The following PCNX2 variants were observed in gnomAD, a reference collection of about 807,000 sequenced individuals.
PCNX2 encodes pecanex 2.
A neutral mutation model predicts 223.8 loss-of-function variants in PCNX2; 168 were observed. The observed-to-expected ratio is 0.75, with a 90% confidence interval of 0.66 to 0.85. The LOEUF is 0.85. Ranked by LOEUF, PCNX2 falls within the 40% of genes least tolerant of loss-of-function variation. The pLI is 0.00. For missense variants in PCNX2, 2,507 were observed against 2,675.5 expected, an observed-to-expected ratio of 0.94 and a Z score of 1.39; for synonymous variants, 1,006 against 1,052.6, an observed-to-expected ratio of 0.96 and a Z score of 0.86.
At chr1:233,227,619 C>T (rs1340898628) in intron 9 of PCNX2, among the ~76,000 whole-genome samples, 4 of 152,088 alleles carry the variant, frequency 2.6e-5, no homozygotes, top group Admixed American at 1.3e-4. Context: ...TTCTTTACAA[C>T]GTACCATTAA....
At chr1:233,150,833 G>A (rs1677754678) in intron 19 of PCNX2, among the ~76,000 whole-genome samples, 1 of 151,964 alleles carries the variant, frequency 6.6e-6, no homozygotes, top group Non-Finnish European at 1.5e-5. Flanking sequence ...GAATCAGTGT[G>A]AAATGTGCCT....
At chr1:233,300,466 G>A (rs190006330), upstream of PCNX2, among the ~76,000 whole-genome samples, 148 of 152,298 alleles carry the variant, frequency 9.7e-4, no homozygotes, top group Non-Finnish European at 1.6e-3. Flanking sequence ...GGAGTTGCTT[G>A]CTAAGCAAAG....
intron 15 of PCNX2, among the ~76,000 whole-genome samples, chr1:233,197,550 G>T (rs1271873482): frequency 1.3e-5 from 2 of 152,124 alleles, no homozygotes; most frequent in African/African-American, 2.4e-5. Context: ...GGATAAATGT[G>T]GTAACAAACG....
At chr1:233,037,777 C>T (rs1328225037) in intron 25 of PCNX2, among the ~76,000 whole-genome samples, 1 of 152,154 alleles carries the variant, frequency 6.6e-6, no homozygotes, top group African/African-American at 2.4e-5. Context: ...TTTTACATCC[C>T]AAGGAGCCTC....
chr1:233,229,070 C>G (rs1387168457), intron 9 of PCNX2, among the ~76,000 whole-genome samples: 1 of 152,130 alleles, frequency 6.6e-6, no homozygotes, highest in Non-Finnish European at 1.5e-5. Context: ...TATACATGGG[C>G]AGACAGCACA....
chr1:233,260,670 A>T (rs1338617390), intron 4 of PCNX2, among the ~76,000 whole-genome samples: 3 of 152,150 alleles, frequency 2.0e-5, no homozygotes, highest in Non-Finnish European at 2.9e-5. Flanking sequence ...TAAACTTTAC[A>T]TTATTTTCAA....
At chr1:233,188,079 A>C (rs1336724080) in intron 15 of PCNX2, among the ~76,000 whole-genome samples, 1 of 152,230 alleles carries the variant, frequency 6.6e-6, no homozygotes, top group African/African-American at 2.4e-5. Context: ...TAGCAGTTTA[A>C]AATAACACAA....
intron 8 of PCNX2, among the ~76,000 whole-genome samples, chr1:233,239,565 A>G (rs1658630720): frequency 6.6e-6 from 1 of 152,204 alleles, no homozygotes; most frequent in Admixed American, 6.5e-5. Flanking sequence ...ACTACTCACT[A>G]TCTGTGACTA....
At chr1:233,074,120 T>G (rs1197646269) in intron 23 of PCNX2, among the ~76,000 whole-genome samples, 1 of 152,202 alleles carries the variant, frequency 6.6e-6, no homozygotes, top group Non-Finnish European at 1.5e-5. Flanking sequence ...AAATTTGCTC[T>G]TGCTATTAAT....
upstream of PCNX2, among the ~76,000 whole-genome samples, chr1:233,296,183 T>C (rs1662111017): frequency 6.6e-6 from 1 of 152,012 alleles, no homozygotes. Flanking sequence ...TCAAAGTAAT[T>C]TCTTCTCCTG....
chr1:233,112,716 A>ACG, intron 21 of PCNX2: 4 of 667,794 alleles, frequency 6.0e-6, no homozygotes, highest in South Asian at 6.7e-5. Flanking sequence ...TCTTTGAACA[A>ACG]TATAACTAAA....
intron 26 of PCNX2, among the ~76,000 whole-genome samples, chr1:233,019,433 TG>T (rs1027422517): frequency 2.5e-4 from 38 of 152,078 alleles, no homozygotes; most frequent in African/African-American, 8.7e-4. Context: ...GAGGGAGTGA[TG>T]GAGAAAGAGG....
At chr1:233,208,062 TCTC>T (rs1246856541) in intron 13 of PCNX2, among the ~76,000 whole-genome samples, 2 of 152,104 alleles carry the variant, frequency 1.3e-5, no homozygotes, top group African/African-American at 4.8e-5. Context: ...TTCAAGCAAT[TCTC>T]CTCCCTCAGC....
In PCNX2 at chr1:233,157,068, G is replaced by A. The variant is rs558610000; in HGVS notation, c.3517+3215C>T. On this transcript the variant is annotated intron_variant, in intron 19 of 33. Transcript: ENST00000258229. ...AGAAGCCACAAGAATGCCTAGAATCGATTGTGGAAAGTCTCTATCAAATCA... is the reference window on the plus strand; with the variant it reads ...AGAAGCCACAAGAATGCCTAGAATCAATTGTGGAAAGTCTCTATCAAATCA... Among the ~76,000 whole-genome samples the A allele has an allele frequency of 6.6e-5, 10 of 152,290 alleles. No homozygotes were observed. In the South Asian group the frequency reaches 2.1e-3, roughly 32 times the overall value.
At chr1:233,217,358 ATCAT>A (rs1237428488) in intron 12 of PCNX2, among the ~76,000 whole-genome samples, 2 of 152,200 alleles carry the variant, frequency 1.3e-5, no homozygotes, top group African/African-American at 4.8e-5. Context: ...AATAAGAATA[ATCAT>A]TCATGCCCAT....
At position 233,252,742 on chromosome 1, in the gene PCNX2, C is replaced by T; in HGVS notation, c.1881G>A (p.Lys627=). The part of the protein sequence containing the change: ...EKKEEILENE[K]PSGHSSKQGK... ...CTTGCTTAGAACTGTGTCCACTGGG[C>T]TTTTCATTTTCCAGGATTTCCTCCT... Residue 627 remains lysine (K), a synonymous_variant, in exon 6 of 34, where the codon AAG becomes AAA. Coordinates refer to ENST00000258229, the MANE Select transcript of PCNX2 (RefSeq NM_014801.4). 1.9e-6 allele frequency: 3 copies of T among 1,613,262 alleles called. No homozygotes were observed. Among genetic ancestry groups the T allele is most frequent in the South Asian group, 1.1e-5 (1 of 90,928 alleles).
intron 19 of PCNX2, among the ~76,000 whole-genome samples, chr1:233,144,052 G>A (rs1380995020): frequency 6.6e-6 from 1 of 152,010 alleles, no homozygotes; most frequent in African/African-American, 2.4e-5. Flanking sequence ...ATGGTGGTGT[G>A]TGCTTGTAGT....
At chr1:233,277,453 C>T (rs1198368822) in intron 1 of PCNX2, among the ~76,000 whole-genome samples, 2 of 152,218 alleles carry the variant, frequency 1.3e-5, no homozygotes, top group African/African-American at 2.4e-5. Flanking sequence ...CATTGCATCA[C>T]AGAAGTGGGC....
intron 15 of PCNX2, among the ~76,000 whole-genome samples, chr1:233,189,844 GTTAA>G (rs1680317313): frequency 6.6e-6 from 1 of 152,182 alleles, no homozygotes; most frequent in African/African-American, 2.4e-5. Context: ...AGAAAGCCCA[GTTAA>G]TTAACTACTG....
Sources: gnomAD v4.1 joint callset for allele counts (sites outside exome capture counted in the v4.1 genomes callset) on GRCh38, gnomAD v4.1.1 for gene constraint, MANE v1.5 for transcripts, NCBI Gene and HGNC (gene_info 2026-07-23, HGNC 2026-07-21) for gene names.